CAMK1D: variants seen among roughly 807,000 people sequenced by gnomAD.
CAMK1D encodes the protein calcium/calmodulin-dependent protein kinase type 1D.
Under a neutral mutation model 47.7 loss-of-function variants are expected in CAMK1D, and 9 were observed. The observed-to-expected ratio is 0.19, with a 90% CI of 0.11 to 0.33. The LOEUF is 0.33. Ranked by LOEUF, CAMK1D falls within the 10% of genes least tolerant of loss-of-function variation. CAMK1D has a pLI of 1.00. For synonymous variants in CAMK1D, 184 were observed against 184.9 expected (o/e 0.99, Z 0.04); for missense variants, 291 against 488.7 (o/e 0.60, Z 3.81).
At chr10:12,588,789 T>TACACAC (rs566585314) in intron 2 of CAMK1D, among the ~76,000 whole-genome samples, 1 of 145,448 alleles carries the variant, frequency 6.9e-6, no homozygotes, top group Non-Finnish European at 1.5e-5. Flanking sequence ...TATATATATA[T>TACACAC]ACACACACAC....
chr10:12,734,361 TATATATATATATATATAG>T (rs1396106015), intron 3 of CAMK1D, among the ~76,000 whole-genome samples: 5 of 9,316 alleles, frequency 5.4e-4, no homozygotes, highest in African/African-American at 1.7e-3. Context: ...TATATATATA[TATATATATATATATATAG>T]ATATAGATAT....
At chr10:12,791,434 T>C (rs1437024448) in intron 6 of CAMK1D, among the ~76,000 whole-genome samples, 1 of 152,186 alleles carries the variant, frequency 6.6e-6, no homozygotes, top group East Asian at 1.9e-4. Flanking sequence ...CTAGAACTTT[T>C]CCATCACCCC....
intron 1 of CAMK1D, among the ~76,000 whole-genome samples, chr10:12,433,626 T>C (rs779709904): frequency 6.6e-6 from 1 of 152,224 alleles, no homozygotes; most frequent in South Asian, 2.1e-4. Flanking sequence ...CCCCAGTCAA[T>C]GCCTTGCGTC....
chr10:12,508,683 C>A (rs1053637071), intron 1 of CAMK1D, among the ~76,000 whole-genome samples: 4 of 152,144 alleles, frequency 2.6e-5, no homozygotes, highest in African/African-American at 9.7e-5. Context: ...TTTAAAAAAG[C>A]AAACACATGG....
intron 2 of CAMK1D, among the ~76,000 whole-genome samples, chr10:12,587,558 A>G (rs1032811222): frequency 2.0e-5 from 3 of 151,854 alleles, no homozygotes; most frequent in African/African-American, 7.3e-5. Context: ...TAAAAAAAAA[A>G]AAAAAAGTCT....
At chr10:12,709,931 C>G (rs1317381104) in intron 3 of CAMK1D, among the ~76,000 whole-genome samples, 2 of 152,100 alleles carry the variant, frequency 1.3e-5, no homozygotes. Flanking sequence ...GAGTCGATGC[C>G]TGCAGTTTCT....
chr10:12,758,411 T>C (rs1257482854), intron 3 of CAMK1D, among the ~76,000 whole-genome samples: 1 of 152,196 alleles, frequency 6.6e-6, no homozygotes, highest in Non-Finnish European at 1.5e-5. Flanking sequence ...ATTGGCAAGA[T>C]TCTAAACTTT....
rs936133465 is a variant in CAMK1D, at chr10:12,791,077, C to A, written c.566-81C>A. 3.1e-6 allele frequency: 4 copies of A among 1,290,594 alleles called. No homozygotes were observed. The African/African-American group carries it at 5.9e-5, about 19-fold the overall frequency. The allele number at this position is 1,290,594 out of a possible 1,614,324, so 79.9% of individuals were successfully genotyped here. A position where few individuals can be genotyped will look rare whatever the true frequency, so the allele number is the denominator to read the frequency against. On this transcript the variant is annotated intron_variant, in intron 5 of 10. Transcript: ENST00000619168. ...TTTTTATACTCACTGAAAGTTCAGG[C>A]CAAATAGCAGACCCCAAAAACTGTC...
chr10:12,711,688 G>A (rs1420056436), intron 3 of CAMK1D, among the ~76,000 whole-genome samples: 3 of 152,118 alleles, frequency 2.0e-5, no homozygotes, highest in Admixed American at 6.5e-5. Context: ...AGGGAAGGAC[G>A]CTCTGGCCCG....
At chr10:12,386,949 C>G (rs1838514179) in intron 1 of CAMK1D, among the ~76,000 whole-genome samples, 1 of 152,092 alleles carries the variant, frequency 6.6e-6, no homozygotes, top group Admixed American at 6.5e-5. Context: ...CGCCTGTAAT[C>G]CCAGCACTTT....
chr10:12,789,370 A>G (rs1837878334), intron 5 of CAMK1D, among the ~76,000 whole-genome samples: 1 of 152,222 alleles, frequency 6.6e-6, no homozygotes, highest in African/African-American at 2.4e-5. Flanking sequence ...CTTAGCAAAC[A>G]GTACGTTTGA....
At chr10:12,735,811 T>G (rs1164222686) in intron 3 of CAMK1D, among the ~76,000 whole-genome samples, 2 of 151,462 alleles carry the variant, frequency 1.3e-5, no homozygotes, top group East Asian at 3.9e-4. Flanking sequence ...AATAAGAAAT[T>G]AAGAAGCTGT....
At chr10:12,529,394 A>G (rs1259079905) in intron 1 of CAMK1D, among the ~76,000 whole-genome samples, 2 of 152,164 alleles carry the variant, frequency 1.3e-5, no homozygotes, top group African/African-American at 4.8e-5. Flanking sequence ...TACGAATGGT[A>G]TGTGTAATCA....
intron 1 of CAMK1D, among the ~76,000 whole-genome samples, chr10:12,483,456 G>GTAA (rs1564366288): frequency 6.6e-6 from 1 of 151,966 alleles, no homozygotes; most frequent in African/African-American, 2.4e-5. Context: ...CCGCCTTTGC[G>GTAA]TCCCAAAGTG....
chr10:12,617,291 T>G (rs1838853847), intron 2 of CAMK1D, among the ~76,000 whole-genome samples: 1 of 152,202 alleles, frequency 6.6e-6, no homozygotes, highest in Non-Finnish European at 1.5e-5. Context: ...AAAAGTAATG[T>G]GTATTCCTAG....
chr10:12,362,898 C>G (rs537445979), intron 1 of CAMK1D, among the ~76,000 whole-genome samples: 24 of 151,548 alleles, frequency 1.6e-4, no homozygotes, highest in African/African-American at 5.1e-4. Context: ...CCCGCCTTGG[C>G]CTCCCACATT....
intron 1 of CAMK1D, among the ~76,000 whole-genome samples, chr10:12,388,344 C>T (rs1260754769): frequency 3.3e-5 from 5 of 152,108 alleles, no homozygotes; most frequent in Admixed American, 2.0e-4. Flanking sequence ...TTGTTACTGT[C>T]GAATTCTCCC....
rs546653936 is a variant in CAMK1D at position 12,527,635 on chromosome 10, C to T, written c.93-25590C>T. 9.9e-5 allele frequency among the ~76,000 whole-genome samples: 15 copies of T among 152,226 alleles called. No homozygotes were observed. The South Asian group carries it at 1.2e-3, about 13-fold the overall frequency. ...AAATGATCCGCCTGCCTCGGCTTCC[C>T]GAATTGCTGGGATTACAGGCGTGAG... On this transcript the variant is annotated intron_variant, in intron 1 of 10. Coordinates refer to ENST00000619168, the MANE Select transcript of CAMK1D (RefSeq NM_153498.4).
chr10:12,695,901 AC>A (rs1159507232), intron 3 of CAMK1D, among the ~76,000 whole-genome samples: 1 of 152,020 alleles, frequency 6.6e-6, no homozygotes, highest in Non-Finnish European at 1.5e-5. Context: ...ACATAGTGAA[AC>A]CCCGTCTCTA....
Sources: allele counts gnomAD v4.1 joint callset (sites outside exome capture counted in the v4.1 genomes callset), GRCh38; gene constraint gnomAD v4.1.1; transcripts MANE v1.5; gene names NCBI Gene and HGNC (gene_info 2026-07-23, HGNC 2026-07-21).